Variants in ASTN2 observed in about 807,000 individuals in gnomAD.
ASTN2 encodes the protein astrotactin-2.
In ASTN2, 54 loss-of-function variants were observed where a neutral mutation model predicts 139.8. The ratio of observed to expected loss-of-function variants is 0.39; its 90% CI spans 0.31 to 0.48. The LOEUF (loss-of-function observed/expected upper bound fraction) is 0.48, where lower values mean the gene tolerates loss of function less well. Ranked by LOEUF, ASTN2 falls within the 20% of genes least tolerant of loss-of-function variation. The pLI is 0.95. For synonymous variants in ASTN2, 756 were observed against 719.5 expected, an observed-to-expected ratio of 1.05 and a Z score of -0.81; for missense variants, 1,565 against 1,725.1, an observed-to-expected ratio of 0.91 and a Z score of 1.64.
At chr9:117,313,186 C>T (rs1828032046) in intron 1 of ASTN2, among the ~76,000 whole-genome samples, 1 of 152,210 alleles carries the variant, frequency 6.6e-6, no homozygotes, top group Non-Finnish European at 1.5e-5. Flanking sequence ...CTAGAGTCCC[C>T]TGTGCAGTGT....
intron 19 of ASTN2, among the ~76,000 whole-genome samples, chr9:116,527,826 AC>A (rs1307903627): frequency 1.3e-5 from 2 of 151,022 alleles, no homozygotes; most frequent in Non-Finnish European, 3.0e-5. Context: ...GGCACTTCCC[AC>A]CCCCCTCACT....
intron 7 of ASTN2, among the ~76,000 whole-genome samples, chr9:116,999,869 T>C (rs1837145768): frequency 6.6e-6 from 1 of 152,074 alleles, no homozygotes; most frequent in African/African-American, 2.4e-5. Flanking sequence ...CAGTAATTTT[T>C]TTCATTGCAA....
At position 116,423,282 on chromosome 9, in the gene ASTN2, C is replaced by T. The variant is rs536456374; in HGVS notation, c.*2569G>A. Among the ~76,000 whole-genome samples the T allele has an allele frequency of 1.3e-5, 2 of 152,238 alleles. No individual in the cohort carries two copies. The highest frequency in any genetic ancestry group is 2.1e-4 in the South Asian group (1 of 4,816). ...ATTGCATTGGATGCATGTTAACTCC[C>T]TTATCATTCAAGCTGGGAAACAACC... is the stretch of plus-strand genomic sequence containing the variant. On this transcript the variant is annotated 3_prime_UTR_variant, in exon 23 of 23. Coordinates refer to ENST00000313400, the MANE Select transcript of ASTN2 (RefSeq NM_001365068.1).
intron 10 of ASTN2, among the ~76,000 whole-genome samples, chr9:116,971,124 G>A (rs1005890720): frequency 6.6e-6 from 1 of 152,134 alleles, no homozygotes; most frequent in Non-Finnish European, 1.5e-5. Context: ...TGGTACACAG[G>A]AGGGATCCAG....
chr9:116,861,524 A>G (rs1156722605), intron 11 of ASTN2, among the ~76,000 whole-genome samples: 1 of 152,208 alleles, frequency 6.6e-6, no homozygotes, highest in Non-Finnish European at 1.5e-5. Context: ...GTTAGGTTTC[A>G]ATGGTCTGAG....
intron 10 of ASTN2, among the ~76,000 whole-genome samples, chr9:116,926,512 T>G (rs968985812): frequency 6.6e-6 from 1 of 152,206 alleles, no homozygotes; most frequent in African/African-American, 2.4e-5. Flanking sequence ...ATAAAACACA[T>G]GTACATAATT....
chr9:116,631,085 GAAC>G (rs1156630567), intron 17 of ASTN2, among the ~76,000 whole-genome samples: 1 of 152,154 alleles, frequency 6.6e-6, no homozygotes, highest in Non-Finnish European at 1.5e-5. Context: ...TCAGAGAGGG[GAAC>G]TCTTACACAC....
chr9:117,219,245 T>A (rs1269424352), intron 2 of ASTN2, among the ~76,000 whole-genome samples: 1 of 152,118 alleles, frequency 6.6e-6, no homozygotes, highest in African/African-American at 2.4e-5. Flanking sequence ...ACATACTCCC[T>A]TCTTTAACAG....
At chr9:117,310,265 G>T (rs1038479666) in intron 1 of ASTN2, among the ~76,000 whole-genome samples, 10 of 152,102 alleles carry the variant, frequency 6.6e-5, no homozygotes, top group Admixed American at 1.3e-4. Flanking sequence ...ATAGCCCCAG[G>T]GGTGGAAGGC....
chr9:117,205,310 T>G (rs1336233056), intron 3 of ASTN2, among the ~76,000 whole-genome samples: 1 of 152,114 alleles, frequency 6.6e-6, no homozygotes, highest in African/African-American at 2.4e-5. Flanking sequence ...GACTGAGGTC[T>G]ACACATACAC....
At chr9:116,878,925 C>CAAA (rs1226918756) in intron 10 of ASTN2, among the ~76,000 whole-genome samples, 4 of 151,724 alleles carry the variant, frequency 2.6e-5, no homozygotes, top group African/African-American at 9.7e-5. Context: ...GTCCTGGGGT[C>CAAA]TCAGGTGTGA....
intron 3 of ASTN2, among the ~76,000 whole-genome samples, chr9:117,166,999 C>A (rs1830684435): frequency 1.3e-5 from 2 of 152,018 alleles, no homozygotes; most frequent in South Asian, 4.2e-4. Context: ...TTAAAATTCC[C>A]AATTGCTATT....
intron 7 of ASTN2, among the ~76,000 whole-genome samples, chr9:117,001,594 C>T (rs1319748333): frequency 6.6e-6 from 1 of 152,166 alleles, no homozygotes; most frequent in East Asian, 1.9e-4. Context: ...ACTAAACTGA[C>T]CTCTGAGTCC....
intron 19 of ASTN2, among the ~76,000 whole-genome samples, chr9:116,608,660 A>G (rs947872512): frequency 1.3e-5 from 2 of 152,340 alleles, no homozygotes; most frequent in Non-Finnish European, 2.9e-5. Flanking sequence ...GAGTTCAAAA[A>G]TATTTTTAGT....
chr9:117,098,078 G>A (rs1366219724), intron 4 of ASTN2, among the ~76,000 whole-genome samples: 1 of 152,176 alleles, frequency 6.6e-6, no homozygotes, highest in East Asian at 1.9e-4. Context: ...AAGCTTCGAG[G>A]CTAGTCTGTC....
rs1164609712 is a variant in ASTN2 at position 117,008,263 on chromosome 9, T to C, written c.1424-4A>G. Reference sequence around the variant, plus strand: ...TCACTCACCACGAAGCTGCTTCCTATGGGTGAACGGAGAGACAGATACTTT... The same window carrying C: ...TCACTCACCACGAAGCTGCTTCCTACGGGTGAACGGAGAGACAGATACTTT... On this transcript the variant is annotated splice_region_variant and splice_polypyrimidine_tract_variant and intron_variant, in intron 6 of 22. Transcript: ENST00000313400. 2 of 1,592,100 alleles carry C rather than the reference T, an allele frequency of 1.3e-6. No homozygotes were observed. Among genetic ancestry groups the C allele is most frequent in the South Asian group, 1.1e-5 (1 of 87,474 alleles).
intron 11 of ASTN2, among the ~76,000 whole-genome samples, chr9:116,853,147 C>A (rs183146127): frequency 9.7e-4 from 148 of 152,024 alleles, no homozygotes; most frequent in Non-Finnish European, 4.4e-5. Context: ...ATATATACAC[C>A]AAACCGTGGC....
intron 1 of ASTN2, among the ~76,000 whole-genome samples, chr9:117,350,286 G>T (rs931322290): frequency 6.6e-6 from 1 of 152,112 alleles, no homozygotes; most frequent in Admixed American, 6.6e-5. Flanking sequence ...CAGTGGCTCA[G>T]GCCTGTAATC....
chr9:116,588,683 A>C, intron 19 of ASTN2, among the ~76,000 whole-genome samples: 1 of 152,198 alleles, frequency 6.6e-6, no homozygotes, highest in East Asian at 1.9e-4. Flanking sequence ...AAGAAATGGT[A>C]GTTTTTTTTC....
Sources: gnomAD v4.1 joint callset for allele counts (sites outside exome capture counted in the v4.1 genomes callset) on GRCh38, gnomAD v4.1.1 for gene constraint, MANE v1.5 for transcripts, NCBI Gene and HGNC (gene_info 2026-07-23, HGNC 2026-07-21) for gene names.